CHRM3: variants seen among roughly 807,000 people sequenced by gnomAD.
CHRM3 encodes muscarinic acetylcholine receptor M3.
A neutral mutation model predicts 41.8 loss-of-function variants in CHRM3; 11 were observed. The observed-to-expected ratio is 0.26, with a 90% CI of 0.17 to 0.44. The LOEUF (loss-of-function observed/expected upper bound fraction) is 0.44, where lower values mean the gene tolerates loss of function less well. Among genes scored for constraint, CHRM3 ranks in the 20% least tolerant of loss-of-function variants. CHRM3 has a pLI of 1.00. For synonymous variants in CHRM3, 297 were observed against 301.4 expected (o/e 0.99, Z 0.15); for missense variants, 571 against 745.4 (o/e 0.77, Z 2.72).
At chr1:239,568,903 A>G (rs1033762438) in intron 3 of CHRM3, among the ~76,000 whole-genome samples, 1 of 152,198 alleles carries the variant, frequency 6.6e-6, no homozygotes, top group African/African-American at 2.4e-5. Context: ...GCAGATGACA[A>G]CAACTGGAAT....
In CHRM3 at chr1:239,509,908, C is replaced by T. The variant is rs536398575; in HGVS notation, c.-422+17101C>T. Among the ~76,000 whole-genome samples, 29 of 151,896 alleles carry T rather than the reference C, an allele frequency of 1.9e-4. 1 individual carries two copies. Among genetic ancestry groups the T allele is most frequent in the Admixed American group, 1.7e-3 (26 of 15,246 alleles). ...TTCGAGACCAGCCTGGCCAACATGGCGAAACCCCGTCTCTATTAAAAAATA... is the reference window on the plus strand; with the variant it reads ...TTCGAGACCAGCCTGGCCAACATGGTGAAACCCCGTCTCTATTAAAAAATA... On this transcript the variant is annotated intron_variant, in intron 2 of 6. Coordinates refer to ENST00000676153, the MANE Select transcript of CHRM3 (RefSeq NM_001375978.1).
rs373640655 is a variant in CHRM3 at position 239,887,092 on chromosome 1, C to T, written c.-19-20341C>T. On this transcript the variant is annotated intron_variant, in intron 6 of 6. Coordinates refer to ENST00000676153, the MANE Select transcript of CHRM3 (RefSeq NM_001375978.1). ...GGGCTCCTTTACTTTATAGGGTGTGCGCTGATACCAGCTTGCCAGCAGAGA... is the reference window on the plus strand; with the variant it reads ...GGGCTCCTTTACTTTATAGGGTGTGTGCTGATACCAGCTTGCCAGCAGAGA... 7.2e-5 allele frequency among the ~76,000 whole-genome samples: 11 copies of T among 152,172 alleles called. No individual in the cohort carries two copies. In the East Asian group the frequency reaches 1.4e-3, roughly 19 times the overall value.
In CHRM3 at chr1:239,855,808, T is replaced by C. The variant is rs546070924; in HGVS notation, c.-20+28430T>C. ...GAGTCAATAATTTACATTGTGATAATCTTATAATACCACATATCTGTCCCT... is the reference window on the plus strand; with the variant it reads ...GAGTCAATAATTTACATTGTGATAACCTTATAATACCACATATCTGTCCCT... On this transcript the variant is annotated intron_variant, in intron 6 of 6. Transcript: ENST00000676153. Among the ~76,000 whole-genome samples, 156 of 152,308 alleles carry C rather than the reference T, an allele frequency of 1.0e-3. 1 individual carries two copies. The highest frequency in any genetic ancestry group is 6.8e-3 in the Middle Eastern group (2 of 294).
chr1:239,641,423 G>T, intron 4 of CHRM3, among the ~76,000 whole-genome samples: 2 of 145,254 alleles, frequency 1.4e-5, no homozygotes, highest in African/African-American at 2.6e-5. Context: ...GGTCACTCAG[G>T]ACTTGCTTTA....
intron 4 of CHRM3, among the ~76,000 whole-genome samples, chr1:239,640,552 T>G (rs1407477791): frequency 6.6e-6 from 1 of 152,170 alleles, no homozygotes; most frequent in Non-Finnish European, 1.5e-5. Context: ...TTTATTTGTG[T>G]AGAGGTGTTT....
intron 3 of CHRM3, among the ~76,000 whole-genome samples, chr1:239,613,578 G>A (rs550597527): frequency 6.6e-6 from 1 of 152,324 alleles, no homozygotes; most frequent in South Asian, 2.1e-4. Flanking sequence ...ATGATGAAAG[G>A]TCTGCAGGTA....
At chr1:239,685,965 AAAAC>A (rs10680486) in intron 5 of CHRM3, among the ~76,000 whole-genome samples, 4 of 147,116 alleles carry the variant, frequency 2.7e-5, no homozygotes, top group Non-Finnish European at 5.9e-5. Flanking sequence ...ACTCCATCTC[AAAAC>A]AAACAAAGAC....
intron 4 of CHRM3, among the ~76,000 whole-genome samples, chr1:239,643,584 A>G (rs1213903816): frequency 2.0e-5 from 3 of 152,196 alleles, no homozygotes; most frequent in Admixed American, 2.0e-4. Context: ...GGTGCGGGAT[A>G]TAATCTCCTG....
intron 5 of CHRM3, among the ~76,000 whole-genome samples, chr1:239,763,844 C>G (rs1008550791): frequency 6.6e-6 from 1 of 151,362 alleles, no homozygotes; most frequent in Non-Finnish European, 1.5e-5. Context: ...CCCTGTAATC[C>G]CAGAACTTTG....
chr1:239,642,535 C>G (rs531254909), intron 4 of CHRM3, among the ~76,000 whole-genome samples: 4 of 152,280 alleles, frequency 2.6e-5, no homozygotes, highest in African/African-American at 7.2e-5. Flanking sequence ...ATCACTGATA[C>G]CTCTTCTTCC....
intron 3 of CHRM3, among the ~76,000 whole-genome samples, chr1:239,600,267 G>A (rs1665349742): frequency 6.6e-6 from 1 of 151,956 alleles, no homozygotes; most frequent in South Asian, 2.1e-4. Context: ...GGTTAGTCTT[G>A]GGGGGCCATC....
At chr1:239,875,883 C>A (rs1230556238) in intron 6 of CHRM3, among the ~76,000 whole-genome samples, 1 of 152,120 alleles carries the variant, frequency 6.6e-6, no homozygotes, top group East Asian at 1.9e-4. Flanking sequence ...TTGAATTGCT[C>A]CCCCATTCCC....
chr1:239,787,376 A>G (rs1351004338), intron 5 of CHRM3, among the ~76,000 whole-genome samples: 1 of 99,222 alleles, frequency 1.0e-5, no homozygotes, highest in East Asian at 3.8e-4. Flanking sequence ...CCCAGGGCAG[A>G]GGATGAAGCC....
At chr1:239,856,549 T>C (rs1675136444) in intron 6 of CHRM3, among the ~76,000 whole-genome samples, 1 of 151,984 alleles carries the variant, frequency 6.6e-6, no homozygotes, top group Non-Finnish European at 1.5e-5. Flanking sequence ...GCCTGCAGAA[T>C]TGTGAACCAA....
chr1:239,603,782 A>T (rs963044120), intron 3 of CHRM3, among the ~76,000 whole-genome samples: 1 of 152,148 alleles, frequency 6.6e-6, no homozygotes, highest in African/African-American at 2.4e-5. Flanking sequence ...TGGACAGTTT[A>T]CAGGTATGAT....
At chr1:239,881,443 C>T (rs1677629017) in intron 6 of CHRM3, among the ~76,000 whole-genome samples, 1 of 151,746 alleles carries the variant, frequency 6.6e-6, no homozygotes, top group Non-Finnish European at 1.5e-5. Context: ...AAGAAGAAAA[C>T]AAAATGGCGA....
intron 6 of CHRM3, among the ~76,000 whole-genome samples, chr1:239,887,273 C>T (rs1358515803): frequency 6.6e-6 from 1 of 152,024 alleles, no homozygotes; most frequent in Non-Finnish European, 1.5e-5. Flanking sequence ...GCAAGCTCAG[C>T]TCACTGCAAC....
chr1:239,880,744 A>G (rs1572576794), intron 6 of CHRM3, among the ~76,000 whole-genome samples: 1 of 151,988 alleles, frequency 6.6e-6, no homozygotes, highest in South Asian at 2.1e-4. Flanking sequence ...TGATCCTCCC[A>G]CCTCAGCCTC....
At chr1:239,747,092 C>T (rs560907834) in intron 5 of CHRM3, among the ~76,000 whole-genome samples, 4 of 151,910 alleles carry the variant, frequency 2.6e-5, no homozygotes, top group East Asian at 3.9e-4. Flanking sequence ...AGATATTTGT[C>T]GAAGTTTGAT....
Sources: allele counts gnomAD v4.1 joint callset (sites outside exome capture counted in the v4.1 genomes callset), GRCh38; gene constraint gnomAD v4.1.1; transcripts MANE v1.5; gene names NCBI Gene and HGNC (gene_info 2026-07-23, HGNC 2026-07-21).